Variants in PAPSS1 observed in about 807,000 individuals in gnomAD.
PAPSS1 encodes bifunctional 3'-phosphoadenosine 5'-phosphosulfate synthase 1.
Under a neutral mutation model 72.0 loss-of-function variants are expected in PAPSS1, and 50 were observed. The ratio of observed to expected loss-of-function variants is 0.69; its 90% CI spans 0.55 to 0.88. PAPSS1 has a LOEUF of 0.88. PAPSS1 is among the 40% of genes least tolerant of loss of function. PAPSS1 has a pLI of 0.00. For missense variants in PAPSS1, 657 were observed against 782.2 expected (o/e 0.84, Z 1.91); for synonymous variants, 261 against 263.6 (o/e 0.99, Z 0.09).
intron 10 of PAPSS1, among the ~76,000 whole-genome samples, chr4:107,641,743 C>T (rs898652165): frequency 1.6e-4 from 24 of 152,272 alleles, no homozygotes; most frequent in Non-Finnish European, 1.0e-4. Flanking sequence ...AGGGCTAGGA[C>T]ACACGCTCTG....
At chr4:107,620,098 C>G (rs1450643070) in intron 11 of PAPSS1, among the ~76,000 whole-genome samples, 1 of 152,198 alleles carries the variant, frequency 6.6e-6, no homozygotes, top group African/African-American at 2.4e-5. Context: ...CTGGGGTCAG[C>G]AGATGGCCCT....
chr4:107,666,889 C>A, intron 5 of PAPSS1, among the ~76,000 whole-genome samples: 1 of 152,154 alleles, frequency 6.6e-6, no homozygotes, highest in Non-Finnish European at 1.5e-5. Flanking sequence ...AGTGTTTGGT[C>A]TTTGTCCTCA....
rs565538220 is a variant in PAPSS1, at chr4:107,627,860, C to T, written c.1736+3771G>A. Among the ~76,000 whole-genome samples, 113 of 152,176 alleles carry T rather than the reference C, an allele frequency of 7.4e-4. No individual in the cohort carries two copies. The Middle Eastern group carries it at 0.01, about 14-fold the overall frequency. On this transcript the variant is annotated intron_variant, in intron 11 of 11. Coordinates refer to ENST00000265174, the MANE Select transcript of PAPSS1 (RefSeq NM_005443.5). ...AGACAGTGAAATCGTACTAGGTGTA[C>T]ATATATAGTATATATACACATACAT...
chr4:107,656,682 C>G (rs551292541), intron 7 of PAPSS1, among the ~76,000 whole-genome samples: 2 of 152,146 alleles, frequency 1.3e-5, no homozygotes, highest in Non-Finnish European at 2.9e-5. Flanking sequence ...TTTTCCCTCT[C>G]TCTTTGCAAT....
chr4:107,694,773 A>G (rs1391199494), intron 2 of PAPSS1, among the ~76,000 whole-genome samples: 1 of 152,218 alleles, frequency 6.6e-6, no homozygotes, highest in African/African-American at 2.4e-5. Flanking sequence ...TCACCTTCCT[A>G]TACCAACAGT....
At chr4:107,686,902 G>T in intron 4 of PAPSS1, 137 bp downstream of exon 4, 1 of 798,190 alleles carries the variant, frequency 1.3e-6, no homozygotes, top group Non-Finnish European at 2.0e-6. Flanking sequence ...AGATAGAACA[G>T]TGTAATAAGA....
chr4:107,648,531 A>G (rs2110314388), intron 9 of PAPSS1, among the ~76,000 whole-genome samples: 1 of 152,266 alleles, frequency 6.6e-6, no homozygotes, highest in East Asian at 1.9e-4. Context: ...CCCAGTATCC[A>G]CCCCAACCAC....
intron 1 of PAPSS1, among the ~76,000 whole-genome samples, chr4:107,715,483 C>G (rs1198470358): frequency 6.6e-6 from 1 of 152,216 alleles, no homozygotes; most frequent in African/African-American, 2.4e-5. Context: ...GTCTGTTCCA[C>G]TTCTCTGTTC....
rs769351237 is a variant in PAPSS1 at position 107,654,723 on chromosome 4, G to A, written c.1073C>T (p.Thr358Met). The change falls in exon 8 of 12, where the codon ACG becomes ATG. Residue 358 changes from threonine (T) to methionine (M), a missense_variant. Coordinates refer to ENST00000265174, the MANE Select transcript of PAPSS1 (RefSeq NM_005443.5). ...AATATAGGGGTGGTTCTTGCATGTC[G>A]TTCCCCACTGTCTGGCACAGCGCTC... is the stretch of plus-strand genomic sequence containing the variant. ...KEERCARQWG[T>M]TCKNHPYIKM... 1.1e-5 allele frequency: 18 copies of A among 1,613,102 alleles called. No homozygotes were observed. Among genetic ancestry groups the A allele is most frequent in the South Asian group, 4.4e-5 (4 of 91,036 alleles).
intron 9 of PAPSS1, among the ~76,000 whole-genome samples, chr4:107,648,094 C>G (rs1298224089): frequency 6.6e-6 from 1 of 152,182 alleles, no homozygotes; most frequent in Non-Finnish European, 1.5e-5. Flanking sequence ...AACTTCCCAG[C>G]AGAGCAAGTT....
At position 107,701,100 on chromosome 4, in the gene PAPSS1, C is replaced by A. The variant is rs1723192713; in HGVS notation, c.175+71G>T. ...GAACAGAGCTCAAAATTTAAATATG[C>A]TTACGCCTAGTCCAAGGTTACCTAT... On this transcript the variant is annotated intron_variant, in intron 2 of 11. Coordinates refer to ENST00000265174, the MANE Select transcript of PAPSS1 (RefSeq NM_005443.5). 5 of 883,020 alleles carry A rather than the reference C, an allele frequency of 5.7e-6. No homozygotes were observed. In the Admixed American group the frequency reaches 6.2e-5, roughly 11 times the overall value. 54.7% of individuals were successfully genotyped at this position (883,020 alleles called of 1,614,324 possible). A position where few individuals can be genotyped will look rare whatever the true frequency, so the allele number is the denominator to read the frequency against.
At chr4:107,663,973 G>C (rs1276608730) in intron 5 of PAPSS1, among the ~76,000 whole-genome samples, 2 of 152,162 alleles carry the variant, frequency 1.3e-5, no homozygotes, top group Non-Finnish European at 2.9e-5. Context: ...GCGTTGGTAA[G>C]GTTCTAGAGA....
chr4:107,662,244 G>C (rs940442701), intron 5 of PAPSS1, among the ~76,000 whole-genome samples: 3 of 152,310 alleles, frequency 2.0e-5, no homozygotes, highest in Admixed American at 2.0e-4. Flanking sequence ...GGGTCTCACT[G>C]TTCATAGGAG....
At chr4:107,634,968 T>G (rs1726325350) in intron 10 of PAPSS1, among the ~76,000 whole-genome samples, 3 of 151,918 alleles carry the variant, frequency 2.0e-5, no homozygotes, top group African/African-American at 7.3e-5. Context: ...CAGCTAATTT[T>G]TTTGTATTTT....
At chr4:107,719,579 G>A (rs1434925472) in intron 1 of PAPSS1, among the ~76,000 whole-genome samples, 4 of 152,194 alleles carry the variant, frequency 2.6e-5, no homozygotes, top group Admixed American at 2.0e-4. Flanking sequence ...ACTCATGAAT[G>A]ACCACATTGT....
In PAPSS1 at chr4:107,687,098, A is replaced by G; in HGVS notation, c.491T>C (p.Val164Ala). ...FEVFVDAPLH[V>A]CEQRDVKGLY... is the part of the protein sequence containing the mutation. ...TCCTTTGACATCCCTCTGTTCACAA[A>G]CATGCAGAGGAGCATCAACAAATAC... is the stretch of plus-strand genomic sequence containing the variant. Residue 164 changes from valine to alanine, a missense_variant, in exon 4 of 12, where the codon GTT becomes GCT. Coordinates refer to ENST00000265174, the MANE Select transcript of PAPSS1 (RefSeq NM_005443.5). 1 of 1,606,132 alleles carries G rather than the reference A, an allele frequency of 6.2e-7. No individual in the cohort carries two copies. The highest frequency in any genetic ancestry group is 8.5e-7 in the Non-Finnish European group (1 of 1,177,146).
chr4:107,614,118 C>G lies in PAPSS1; in HGVS notation c.*131G>C, dbSNP rs1464410518. On this transcript the variant is annotated 3_prime_UTR_variant, in exon 12 of 12. Coordinates refer to ENST00000265174, the MANE Select transcript of PAPSS1 (RefSeq NM_005443.5). ...CTCATAAGGCAGACCAAAACTGATG[C>G]AAGTTAAGGAAAATGGTCTGTTTTT... is the stretch of plus-strand genomic sequence containing the variant. 2.3e-6 allele frequency: 2 copies of G among 876,558 alleles called. No homozygotes were observed. Among genetic ancestry groups the G allele is most frequent in the Non-Finnish European group, 3.5e-6 (2 of 579,544 alleles). 54.3% of individuals were successfully genotyped at this position (876,558 alleles called of 1,614,324 possible).
rs35758879 is a variant in PAPSS1, at chr4:107,631,776, C to G, written c.1591G>C (p.Glu531Gln). The G allele has an allele frequency of 5.2e-4, 846 of 1,614,098 alleles. 4 individuals carry two copies. The African/African-American group carries it at 9.9e-3, about 19-fold the overall frequency. ...GGCTCATAAAGATCCTTCCCTGTTT[C>G]TGGATGAGGCATGCCAGCAGGGTCT... Reference protein sequence around the residue: ...GRDPAGMPHPETGKDLYEPSH... With the variant: ...GRDPAGMPHPQTGKDLYEPSH... Residue 531 changes from glutamate (E) to glutamine (Q), a missense_variant, in exon 11 of 12, where the codon GAA becomes CAA. Transcript: ENST00000265174.
At chr4:107,710,301 G>C (rs1723454956) in intron 1 of PAPSS1, among the ~76,000 whole-genome samples, 1 of 152,062 alleles carries the variant, frequency 6.6e-6, no homozygotes, top group African/African-American at 2.4e-5. Flanking sequence ...AATAGTCTGG[G>C]TGCTTTGTAG....
Sources: allele counts gnomAD v4.1 joint callset (sites outside exome capture counted in the v4.1 genomes callset), GRCh38; gene constraint gnomAD v4.1.1; transcripts MANE v1.5; gene names NCBI Gene and HGNC (gene_info 2026-07-23, HGNC 2026-07-21).